FRMD5: variants seen among roughly 807,000 people sequenced by gnomAD.
FRMD5 encodes FERM domain containing 5.
A neutral mutation model predicts 69.0 loss-of-function variants in FRMD5; 20 were observed. The ratio of observed to expected loss-of-function variants is 0.29; its 90% CI spans 0.20 to 0.42. The LOEUF is 0.42. Among genes scored for constraint, FRMD5 ranks in the 10% least tolerant of loss-of-function variants. The pLI, the probability that FRMD5 is intolerant of heterozygous loss-of-function variation, is 1.00. For synonymous variants in FRMD5, 271 were observed against 260.1 expected (o/e 1.04, Z -0.40); for missense variants, 595 against 708.6 (o/e 0.84, Z 1.82).
chr15:43,920,298 T>TAGGA lies in FRMD5; in HGVS notation c.208-490_208-489insTCCT, dbSNP rs1282352306. ...TAGAAAGTAGTGAGAAGTGGAAATTTCCTAAGTCAGGGATGGCTGGTATAT... is the reference window on the plus strand; with the variant it reads ...TAGAAAGTAGTGAGAAGTGGAAATTTAGGACCTAAGTCAGGGATGGCTGGTATAT... On this transcript the variant is annotated intron_variant, in intron 2 of 13. Coordinates refer to ENST00000417257, the MANE Select transcript of FRMD5 (RefSeq NM_032892.5). Among the ~76,000 whole-genome samples the TAGGA allele has an allele frequency of 3.3e-5, 5 of 152,202 alleles. No individual in the cohort carries two copies. In the East Asian group the frequency reaches 9.6e-4, roughly 29 times the overall value.
intron 1 of FRMD5, among the ~76,000 whole-genome samples, chr15:44,164,325 C>A (rs1225445061): frequency 6.6e-6 from 1 of 152,072 alleles, no homozygotes; most frequent in Non-Finnish European, 1.5e-5. Flanking sequence ...CTATTTCCAA[C>A]TTTTATGGAT....
chr15:44,003,228 A>G (rs1595610980), intron 1 of FRMD5, among the ~76,000 whole-genome samples: 1 of 151,740 alleles, frequency 6.6e-6, no homozygotes, highest in Admixed American at 6.6e-5. Context: ...ACATCTTACC[A>G]CCTCCACCAC....
chr15:44,001,248 A>G (rs1056839873), intron 1 of FRMD5, among the ~76,000 whole-genome samples: 2 of 152,116 alleles, frequency 1.3e-5, no homozygotes, highest in East Asian at 1.9e-4. Context: ...TTTTTAAATC[A>G]TGTTATTTGT....
chr15:44,144,555 A>G (rs2077326739), intron 1 of FRMD5, among the ~76,000 whole-genome samples: 1 of 152,124 alleles, frequency 6.6e-6, no homozygotes, highest in Admixed American at 6.5e-5. Flanking sequence ...AGGGTCCCCA[A>G]AGGATCCTAG....
chr15:43,941,800 CTT>C (rs1390469659), intron 1 of FRMD5, among the ~76,000 whole-genome samples: 2 of 152,134 alleles, frequency 1.3e-5, no homozygotes, highest in African/African-American at 4.8e-5. Context: ...TAAACACTAA[CTT>C]TGAGTTGTAT....
chr15:43,997,892 ATT>A lies in FRMD5; in HGVS notation c.103-73585_103-73584del, dbSNP rs757102468. Among the ~76,000 whole-genome samples, 848 of 152,322 alleles carry A rather than the reference ATT, an allele frequency of 5.6e-3. 4 individuals are homozygous for A. The highest frequency in any genetic ancestry group is 9.0e-3 in the Non-Finnish European group (612 of 68,032). The stretch of plus-strand genomic sequence containing the variant: ...ATATATGTTCTTCAATGTTCATGAC[ATT>A]GAGATCTCCGGTCTACTTCCAGTAG... On this transcript the variant is annotated intron_variant, in intron 1 of 13. Transcript: ENST00000417257.
chr15:43,905,694 C>T (rs1404415468), intron 6 of FRMD5, 134 bp downstream of exon 6: 18 of 1,100,732 alleles, frequency 1.6e-5, no homozygotes, highest in Admixed American at 1.3e-4. Context: ...ATGGTACATC[C>T]GCGGTCAGGA....
In FRMD5 at chr15:43,915,101, C is replaced by T. The variant is rs138575265; in HGVS notation, c.329+4358G>A. ...TAGAGATACTGTTCTTGCCTTGTCA[C>T]AGAGCTAGTTAAAGAACAACCTGGG... On this transcript the variant is annotated intron_variant, in intron 4 of 13. Coordinates refer to ENST00000417257, the MANE Select transcript of FRMD5 (RefSeq NM_032892.5). 8.1e-3 allele frequency among the ~76,000 whole-genome samples: 1,228 copies of T among 152,282 alleles called. 15 individuals are homozygous for T. The highest frequency in any genetic ancestry group is 0.028 in the African/African-American group (1,171 of 41,546).
At chr15:43,948,186 A>G (rs1256575058) in intron 1 of FRMD5, among the ~76,000 whole-genome samples, 1 of 152,264 alleles carries the variant, frequency 6.6e-6, no homozygotes, top group Non-Finnish European at 1.5e-5. Flanking sequence ...CAGTTTAATT[A>G]TAGAACCTGA....
rs114160208 is a variant in FRMD5, at chr15:43,985,635, A to T, written c.103-61326T>A. 4.2e-3 allele frequency among the ~76,000 whole-genome samples: 647 copies of T among 152,318 alleles called. 1 individual carries two copies. Among genetic ancestry groups the T allele is most frequent in the African/African-American group, 0.012 (519 of 41,572 alleles). On this transcript the variant is annotated intron_variant, in intron 1 of 13. Coordinates refer to ENST00000417257, the MANE Select transcript of FRMD5 (RefSeq NM_032892.5). ...ACCATATGACCAAAGGATAAGGATG[A>T]GCTGGCTGGGTGAACCTGTGCTGGT...
At chr15:44,055,603 T>C (rs1892839643) in intron 1 of FRMD5, among the ~76,000 whole-genome samples, 1 of 152,158 alleles carries the variant, frequency 6.6e-6, no homozygotes, top group African/African-American at 2.4e-5. Context: ...ATTTTACCAA[T>C]TATTGCTATG....
intron 1 of FRMD5, among the ~76,000 whole-genome samples, chr15:44,135,737 AT>A (rs2077172899): frequency 1.3e-5 from 2 of 148,238 alleles, no homozygotes; most frequent in Non-Finnish European, 3.0e-5. Flanking sequence ...AGGCAGGAGA[AT>A]TGCTTGAATC....
chr15:44,123,746 G>T (rs1030302174), intron 1 of FRMD5, among the ~76,000 whole-genome samples: 1 of 152,002 alleles, frequency 6.6e-6, no homozygotes, highest in Admixed American at 6.5e-5. Context: ...GAGAGAAAAA[G>T]ATAAATTTTG....
At chr15:44,112,001 A>G (rs1034350228) in intron 1 of FRMD5, among the ~76,000 whole-genome samples, 35 of 151,486 alleles carry the variant, frequency 2.3e-4, no homozygotes, top group Admixed American at 2.1e-3. Context: ...CCGCCACCAC[A>G]TCCGGCTAAT....
chr15:44,114,875 G>T (rs1174256329), intron 1 of FRMD5, among the ~76,000 whole-genome samples: 1 of 152,082 alleles, frequency 6.6e-6, no homozygotes, highest in Non-Finnish European at 1.5e-5. Context: ...CGAAGACTGT[G>T]GCCAACTACT....
In FRMD5 at chr15:43,963,134, AG is replaced by A. The variant is rs1170408140; in HGVS notation, c.103-38826del. ...GTGAACAGGCAACCTACAGAATGGG[AG>A]AAAAGTTTTGCAACCTACTCATCTG... On this transcript the variant is annotated intron_variant, in intron 1 of 13. Transcript: ENST00000417257. 3.3e-5 allele frequency among the ~76,000 whole-genome samples: 5 copies of A among 152,362 alleles called. No homozygotes were observed. In the East Asian group the frequency reaches 9.6e-4, roughly 29 times the overall value.
chr15:44,185,552 G>C (rs542174481), intron 1 of FRMD5, among the ~76,000 whole-genome samples: 4 of 152,244 alleles, frequency 2.6e-5, no homozygotes, highest in African/African-American at 9.6e-5. Flanking sequence ...AGCACTTTGG[G>C]AGGCTGAGGC....
chr15:43,999,392 T>A (rs971375144), intron 1 of FRMD5, among the ~76,000 whole-genome samples: 3 of 152,232 alleles, frequency 2.0e-5, no homozygotes, highest in Admixed American at 1.3e-4. Context: ...TGCAGTTCAG[T>A]TGTGTCAAGT....
chr15:44,096,540 C>G (rs1179107426), intron 1 of FRMD5, among the ~76,000 whole-genome samples: 1 of 151,672 alleles, frequency 6.6e-6, no homozygotes, highest in Non-Finnish European at 1.5e-5. Context: ...GTAGCTGGAA[C>G]TATAGGCATG....
Sources: gnomAD v4.1 joint callset for allele counts (sites outside exome capture counted in the v4.1 genomes callset) on GRCh38, gnomAD v4.1.1 for gene constraint, MANE v1.5 for transcripts, NCBI Gene and HGNC (gene_info 2026-07-23, HGNC 2026-07-21) for gene names.